The following KIAA1671 variants were observed in gnomAD, a reference collection of about 807,000 sequenced individuals.
KIAA1671 encodes the protein KIAA1671, also known as uncharacterized protein KIAA1671.
Under a neutral mutation model 131.2 loss-of-function variants are expected in KIAA1671, and 52 were observed. The ratio of observed to expected loss-of-function variants is 0.40; its 90% CI spans 0.32 to 0.50. KIAA1671 has a LOEUF of 0.50. Among genes scored for constraint, KIAA1671 ranks in the 20% least tolerant of loss-of-function variants. KIAA1671 has a pLI of 0.73. For synonymous variants in KIAA1671, 1,003 were observed against 961.6 expected, an observed-to-expected ratio of 1.04 and a Z score of -0.80; for missense variants, 2,360 against 2,364.2, an observed-to-expected ratio of 1.00 and a Z score of 0.04.
At chr22:25,103,462 TA>T (rs974957697) in intron 6 of KIAA1671, among the ~76,000 whole-genome samples, 1 of 151,772 alleles carries the variant, frequency 6.6e-6, no homozygotes. Context: ...AGGTTCACGC[TA>T]TTCTCCTGCC....
chr22:25,118,701 A>T (rs1322758802), intron 6 of KIAA1671, among the ~76,000 whole-genome samples: 1 of 151,914 alleles, frequency 6.6e-6, no homozygotes, highest in Non-Finnish European at 1.5e-5. Context: ...AGATCAGGTC[A>T]TTCCCCTGCC....
chr22:25,155,904 T>C (rs1193712780), intron 6 of KIAA1671, among the ~76,000 whole-genome samples: 1 of 149,668 alleles, frequency 6.7e-6, no homozygotes, highest in Non-Finnish European at 1.5e-5. Flanking sequence ...TGTGTATGTA[T>C]ATAGTTTTTT....
At chr22:25,047,394 A>C (rs1056324133) in intron 5 of KIAA1671, among the ~76,000 whole-genome samples, 1 of 150,146 alleles carries the variant, frequency 6.7e-6, no homozygotes, top group Non-Finnish European at 1.5e-5. Flanking sequence ...CAAGTGATCA[A>C]CCTGCCTTGG....
intron 6 of KIAA1671, among the ~76,000 whole-genome samples, chr22:25,132,375 G>A (rs970305465): frequency 6.6e-6 from 1 of 152,198 alleles, no homozygotes; most frequent in Admixed American, 6.5e-5. Flanking sequence ...AGCCAGGGCT[G>A]AGACCCACTG....
At chr22:25,020,436 C>T (rs1039714885) in intron 1 of KIAA1671, among the ~76,000 whole-genome samples, 116 of 152,298 alleles carry the variant, frequency 7.6e-4, no homozygotes, top group Admixed American at 1.2e-3. Flanking sequence ...CCCACACTCA[C>T]GTCTACATTG....
chr22:25,024,525 T>TC (rs1212165078), intron 1 of KIAA1671: 2 of 152,194 alleles, frequency 1.3e-5, no homozygotes, highest in African/African-American at 4.8e-5. Context: ...GCTGAGCACT[T>TC]CACAGCTTTT....
intron 6 of KIAA1671, among the ~76,000 whole-genome samples, chr22:25,086,683 C>T (rs1302916054): frequency 6.6e-6 from 1 of 152,144 alleles, no homozygotes; most frequent in East Asian, 1.9e-4. Context: ...TCCTGTTGTT[C>T]GGTCTGCACA....
rs1024729072 is a variant in KIAA1671 at position 25,039,991 on chromosome 22, C to G, written c.2861C>G (p.Pro954Arg). The G allele has an allele frequency of 5.8e-6, 9 of 1,551,306 alleles. No individual in the cohort carries two copies. Among genetic ancestry groups the G allele is most frequent in the East Asian group, 2.4e-5 (1 of 40,902 alleles). Reference protein sequence around the residue: ...MDRWRRRTLPPNVKFDTFSSL... With the variant: ...MDRWRRRTLPRNVKFDTFSSL... Reference sequence around the variant, plus strand: ...AGATGGCGGCGGCGGACTTTACCCCCCAACGTGAAATTTGATACATTCAGT... The same window carrying G: ...AGATGGCGGCGGCGGACTTTACCCCGCAACGTGAAATTTGATACATTCAGT... The change falls in exon 5 of 13, where the codon CCC becomes CGC. Residue 954 changes from proline to arginine, a missense_variant. Pro to Arg is a moderately radical substitution (Grantham distance 103). Coordinates refer to ENST00000358431, the MANE Select transcript of KIAA1671 (RefSeq NM_001145206.2).
At chr22:24,959,924 G>A (rs1187019082) in intron 1 of KIAA1671, among the ~76,000 whole-genome samples, 2 of 151,914 alleles carry the variant, frequency 1.3e-5, no homozygotes, top group Non-Finnish European at 2.9e-5. Flanking sequence ...GATCATTTGA[G>A]GTCAGGAGTT....
At position 25,028,376 on chromosome 22, in the gene KIAA1671, C is replaced by T. The variant is rs1029317738; in HGVS notation, c.377C>T (p.Thr126Met). The change falls in exon 3 of 13, where the codon ACG (threonine) becomes ATG (methionine). Residue 126 changes from threonine (T) to methionine (M), a missense_variant. Coordinates refer to ENST00000358431, the MANE Select transcript of KIAA1671 (RefSeq NM_001145206.2). The stretch of plus-strand genomic sequence containing the variant: ...GTGGGCAGTGGGGAGGGCCCGAGGA[C>T]GAGCTCGCCCCTCTTCAACAAGGCT... ...QEVGSGEGPR[T>M]SSPLFNKAVF... 1.4e-5 allele frequency: 22 copies of T among 1,550,684 alleles called. No individual in the cohort carries two copies. The highest frequency in any genetic ancestry group is 7.1e-5 in the South Asian group (6 of 83,998).
chr22:24,960,081 G>A (rs1373264982), intron 1 of KIAA1671, among the ~76,000 whole-genome samples: 1 of 151,576 alleles, frequency 6.6e-6, no homozygotes, highest in Non-Finnish European at 1.5e-5. Flanking sequence ...GCAGTGAATC[G>A]AGATCATACC....
chr22:25,018,565 C>G (rs1369778557), intron 1 of KIAA1671, among the ~76,000 whole-genome samples: 1 of 152,114 alleles, frequency 6.6e-6, no homozygotes. Context: ...CAATAACTCC[C>G]CATTCCCCAG....
At chr22:25,053,087 A>G (rs1927626787) in intron 6 of KIAA1671, 1 of 152,190 alleles carries the variant, frequency 6.6e-6, no homozygotes, top group Non-Finnish European at 1.5e-5. Context: ...TGGGAAAGAC[A>G]AACATCCATA....
rs1443258774 is a variant in KIAA1671, at chr22:25,028,058, G to T, written c.59G>T (p.Gly20Val). The change falls in exon 3 of 13, where the codon GGT (glycine) becomes GTT (valine). Residue 20 changes from glycine to valine, a missense_variant. Coordinates refer to ENST00000358431, the MANE Select transcript of KIAA1671 (RefSeq NM_001145206.2). ...CCCTTGACGGCCGTGCCAGGCCTGG[G>T]TGAGATGGGCAAGGAGGAGACCCTG... ...ITPLTAVPGL[G>V]EMGKEETLTR... is the part of the protein sequence containing the mutation. 2 of 1,546,512 alleles carry T rather than the reference G, an allele frequency of 1.3e-6. No individual in the cohort carries two copies. The highest frequency in any genetic ancestry group is 1.7e-6 in the Non-Finnish European group (2 of 1,144,160).
At chr22:25,093,784 C>CTCTG (rs1568951255) in intron 6 of KIAA1671, among the ~76,000 whole-genome samples, 27 of 127,224 alleles carry the variant, frequency 2.1e-4, no homozygotes, top group South Asian at 1.6e-3. Context: ...CTCTCTCTCT[C>CTCTG]TCTCTCTCTC....
rs572580942 is a variant in KIAA1671 at position 24,992,504 on chromosome 22, G to A, written c.-207-33129G>A. Among the ~76,000 whole-genome samples, 3 of 152,204 alleles carry A rather than the reference G, an allele frequency of 2.0e-5. No homozygotes were observed. In the South Asian group the frequency reaches 6.2e-4, roughly 32 times the overall value. ...AGTGCCTGGCACATAGTAGGAGACT[G>A]GTAAAAGTTTGATCAATAAATGAAC... On this transcript the variant is annotated intron_variant, in intron 1 of 12. Transcript: ENST00000358431.
intron 1 of KIAA1671, among the ~76,000 whole-genome samples, chr22:24,997,741 A>C (rs1438619299): frequency 6.6e-6 from 1 of 152,182 alleles, no homozygotes; most frequent in Non-Finnish European, 1.5e-5. Context: ...ACATACATAC[A>C]GGAAAGTACA....
At position 25,039,863 on chromosome 22, in the gene KIAA1671, G is replaced by A. The variant is rs1875864284; in HGVS notation, c.2733G>A (p.Gly911=). The A allele has an allele frequency of 1.2e-5, 18 of 1,551,380 alleles. No homozygotes were observed. Among genetic ancestry groups the A allele is most frequent in the Non-Finnish European group, 1.6e-5 (18 of 1,146,876 alleles). The change falls in exon 5 of 13, where the codon GGG becomes GGA. Residue 911 remains glycine, a synonymous_variant. Transcript: ENST00000358431. ...THPDAFAVQK[G]PFIVAAREGD... ...CAGATGCATTTGCTGTGCAGAAAGG[G>A]CCCTTCATTGTAGCCGCCAGGGAGG...
intron 1 of KIAA1671, among the ~76,000 whole-genome samples, chr22:24,954,763 G>GTTTGT (rs563291109): frequency 1.3e-4 from 20 of 151,988 alleles, no homozygotes; most frequent in Non-Finnish European, 2.4e-4. Flanking sequence ...GCTTTTTTTC[G>GTTTGT]TTTGTTTTGT....
Sources: allele counts gnomAD v4.1 joint callset (sites outside exome capture counted in the v4.1 genomes callset), GRCh38; gene constraint gnomAD v4.1.1; transcripts MANE v1.5; gene names NCBI Gene and HGNC (gene_info 2026-07-23, HGNC 2026-07-21).